Variants in ROBO1 observed in about 807,000 individuals in gnomAD.
The protein encoded by ROBO1 is roundabout homolog 1.
ROBO1 carries 149 observed loss-of-function variants against 195.9 expected under a neutral mutation model. The observed-to-expected ratio is 0.76, with a 90% confidence interval of 0.67 to 0.87. The LOEUF is 0.87. Ranked by LOEUF, ROBO1 falls within the 40% of genes least tolerant of loss-of-function variation. The probability of loss-of-function intolerance (pLI) is 0.00; values close to 1 mark genes in which losing one functional copy is unlikely to be tolerated. For synonymous variants in ROBO1, 816 were observed against 733.2 expected, an observed-to-expected ratio of 1.11 and a Z score of -1.82; for missense variants, 1,933 against 2,068.3, an observed-to-expected ratio of 0.93 and a Z score of 1.27.
At chr3:78,637,108 G>A (rs185705469) in intron 22 of ROBO1, among the ~76,000 whole-genome samples, 36 of 126,264 alleles carry the variant, frequency 2.9e-4, no homozygotes, top group African/African-American at 1.4e-3. Context: ...GTCCAAAAGT[G>A]GTACCAACAT....
chr3:78,688,558 A>G lies in ROBO1; in HGVS notation c.1170+90T>C, dbSNP rs932542849. Reference sequence around the variant, plus strand: ...CCAGTTCTCTTAATGTGACAGCTGCATGACTAAGTAATATGTTGGTTTTTC... The same window carrying G: ...CCAGTTCTCTTAATGTGACAGCTGCGTGACTAAGTAATATGTTGGTTTTTC... On this transcript the variant is annotated intron_variant, in intron 9 of 30. Transcript: ENST00000464233. The G allele has an allele frequency of 3.8e-6, 5 of 1,329,740 alleles. No homozygotes were observed. In the African/African-American group the frequency reaches 4.5e-5, roughly 12 times the overall value. 82.4% of individuals were successfully genotyped at this position (1,329,740 alleles called of 1,614,324 possible). A position where few individuals can be genotyped will look rare whatever the true frequency, so the allele number is the denominator to read the frequency against.
chr3:79,030,734 T>G (rs1174544611), intron 3 of ROBO1, among the ~76,000 whole-genome samples: 1 of 152,320 alleles, frequency 6.6e-6, no homozygotes, highest in East Asian at 1.9e-4. Context: ...ATTTATTTAT[T>G]TTTTTGAGAT....
At chr3:79,559,325 C>CT (rs34629080) in intron 2 of ROBO1, among the ~76,000 whole-genome samples, 15 of 152,130 alleles carry the variant, frequency 9.9e-5, no homozygotes, top group Non-Finnish European at 1.9e-4. Context: ...TCTAATCTGT[C>CT]TAAAGTTTTT....
chr3:79,568,018 T>C (rs1243209893), intron 2 of ROBO1, among the ~76,000 whole-genome samples: 5 of 152,142 alleles, frequency 3.3e-5, no homozygotes. Flanking sequence ...CTAATGAAAA[T>C]ACCATATCCT....
chr3:79,169,686 C>T (rs1450007871), intron 2 of ROBO1, among the ~76,000 whole-genome samples: 1 of 152,072 alleles, frequency 6.6e-6, no homozygotes, highest in Non-Finnish European at 1.5e-5. Flanking sequence ...AATAAAACCA[C>T]ATAATAAAAA....
At chr3:78,729,427 T>C (rs2082238403) in intron 5 of ROBO1, among the ~76,000 whole-genome samples, 1 of 152,208 alleles carries the variant, frequency 6.6e-6, no homozygotes, top group Non-Finnish European at 1.5e-5. Flanking sequence ...CAGCCCTCTT[T>C]AAACACAACA....
chr3:79,615,339 C>CT (rs1463872030), intron 1 of ROBO1, among the ~76,000 whole-genome samples: 1 of 152,178 alleles, frequency 6.6e-6, no homozygotes, highest in African/African-American at 2.4e-5. Flanking sequence ...GAAGCCTCCA[C>CT]TTTGAGTTGT....
At chr3:79,349,176 T>C (rs1211829696) in intron 2 of ROBO1, among the ~76,000 whole-genome samples, 1 of 152,124 alleles carries the variant, frequency 6.6e-6, no homozygotes, top group African/African-American at 2.4e-5. Flanking sequence ...AACCAGCATC[T>C]AATAAAGATG....
rs1050860288 is a variant in ROBO1 at position 79,428,523 on chromosome 3, T to C, written c.88+161301A>G. ...TTTGGCAGTATATTCTCTGGTATAT[T>C]TTTAGCGGGAATGCAAAATGCTAAA... is the stretch of plus-strand genomic sequence containing the variant. On this transcript the variant is annotated intron_variant, in intron 2 of 30. Transcript: ENST00000464233. 3.1e-4 allele frequency among the ~76,000 whole-genome samples: 47 copies of C among 152,162 alleles called. 1 individual carries two copies. Among genetic ancestry groups the C allele is most frequent in the Non-Finnish European group, 8.8e-5 (6 of 68,030 alleles).
chr3:79,240,120 T>G (rs2082485358), intron 2 of ROBO1, among the ~76,000 whole-genome samples: 1 of 152,210 alleles, frequency 6.6e-6, no homozygotes, highest in African/African-American at 2.4e-5. Flanking sequence ...AGTCACTATA[T>G]TAACTATAGT....
chr3:79,008,298 G>C (rs545573543), intron 3 of ROBO1, among the ~76,000 whole-genome samples: 9 of 152,060 alleles, frequency 5.9e-5, no homozygotes, highest in Admixed American at 1.3e-4. Context: ...ACATTATCAG[G>C]TATGCCTGAA....
intron 2 of ROBO1, among the ~76,000 whole-genome samples, chr3:79,588,535 A>G (rs1943900128): frequency 6.6e-6 from 1 of 151,734 alleles, no homozygotes; most frequent in South Asian, 2.1e-4. Flanking sequence ...TTGTAGTTTT[A>G]AAAACACTTT....
intron 2 of ROBO1, among the ~76,000 whole-genome samples, chr3:79,425,696 A>AAC (rs574772002): frequency 5.9e-5 from 9 of 151,388 alleles, no homozygotes; most frequent in Non-Finnish European, 8.8e-5. Flanking sequence ...AGCAGAATGG[A>AAC]ACACACACAC....
chr3:78,838,259 A>C (rs1007441335), intron 4 of ROBO1, among the ~76,000 whole-genome samples: 6 of 152,212 alleles, frequency 3.9e-5, no homozygotes, highest in Non-Finnish European at 4.4e-5. Context: ...GCTGTCCATC[A>C]TAATTAAAGG....
At chr3:78,688,263 A>T (rs978022386) in intron 9 of ROBO1, among the ~76,000 whole-genome samples, 1 of 152,228 alleles carries the variant, frequency 6.6e-6, no homozygotes, top group African/African-American at 2.4e-5. Context: ...CTTTCAAAGA[A>T]ATCACTGAAT....
At chr3:78,960,576 C>T (rs956621079) in intron 3 of ROBO1, among the ~76,000 whole-genome samples, 1 of 151,764 alleles carries the variant, frequency 6.6e-6, no homozygotes, top group African/African-American at 2.4e-5. Context: ...GTCAAGAGAT[C>T]GAGACCATCC....
At chr3:79,040,936 G>A (rs896835816) in intron 3 of ROBO1, among the ~76,000 whole-genome samples, 12 of 152,092 alleles carry the variant, frequency 7.9e-5, no homozygotes, top group Admixed American at 1.3e-4. Flanking sequence ...ACTCTTCACA[G>A]CCTGACTCAC....
chr3:79,283,150 T>C (rs1242501733), intron 2 of ROBO1, among the ~76,000 whole-genome samples: 1 of 152,226 alleles, frequency 6.6e-6, no homozygotes, highest in Admixed American at 6.5e-5. Flanking sequence ...AATCATGCCA[T>C]CCATAATTGC....
At chr3:79,557,647 T>C (rs1576020344) in intron 2 of ROBO1, among the ~76,000 whole-genome samples, 1 of 151,082 alleles carries the variant, frequency 6.6e-6, no homozygotes, top group African/African-American at 2.4e-5. Context: ...GGAACGAGAA[T>C]TTCTTGACCC....
Sources: gnomAD v4.1 joint callset for allele counts (sites outside exome capture counted in the v4.1 genomes callset) on GRCh38, gnomAD v4.1.1 for gene constraint, MANE v1.5 for transcripts, NCBI Gene and HGNC (gene_info 2026-07-23, HGNC 2026-07-21) for gene names.